The following JPH2 variants were observed in gnomAD, a reference collection of about 807,000 sequenced individuals.
JPH2 encodes junctophilin 2.
A neutral mutation model predicts 55.9 loss-of-function variants in JPH2; 38 were observed. The observed-to-expected ratio is 0.68, with a 90% CI of 0.52 to 0.89. JPH2 has a LOEUF of 0.89. JPH2 is among the 40% of genes least tolerant of loss of function. The probability of loss-of-function intolerance (pLI) is 0.00; values close to 1 mark genes in which losing one functional copy is unlikely to be tolerated. For synonymous variants in JPH2, 480 were observed against 472.4 expected (o/e 1.02, Z -0.21); for missense variants, 964 against 1,037.6 (o/e 0.93, Z 0.97).
intron 2 of JPH2, among the ~76,000 whole-genome samples, chr20:44,134,161 A>G (rs2072358909): frequency 6.6e-5 from 1 of 15,198 alleles, no homozygotes; most frequent in Admixed American, 1.6e-3. Flanking sequence ...TTATAAATAT[A>G]TAAATATTTA....
At position 44,115,785 on chromosome 20, in the gene JPH2, T is replaced by C. The variant is rs764093410; in HGVS notation, c.1890A>G (p.Lys630=). The C allele has an allele frequency of 5.6e-6, 9 of 1,610,278 alleles. No homozygotes were observed. In the Admixed American group the frequency reaches 1.5e-4, roughly 27 times the overall value. The change falls in exon 4 of 6, where the codon AAA becomes AAG. Residue 630 remains lysine (K), a synonymous_variant. Transcript: ENST00000372980. ...AKLEPKPIIP[K]AEPRAKARKT... The stretch of plus-strand genomic sequence containing the variant: ...TGCGGGCCTTGGCCCTGGGCTCGGC[T>C]TTGGGGATGATGGGCTTGGGCTCCA...
At chr20:44,178,133 T>C (rs959145795) in intron 1 of JPH2, among the ~76,000 whole-genome samples, 3 of 152,180 alleles carry the variant, frequency 2.0e-5, no homozygotes, top group Admixed American at 6.5e-5. Flanking sequence ...TCAGATTCTC[T>C]CAGGGCCTCT....
chr20:44,180,082 G>A (rs1441727462), intron 1 of JPH2, among the ~76,000 whole-genome samples: 1 of 152,218 alleles, frequency 6.6e-6, no homozygotes, highest in Non-Finnish European at 1.5e-5. Context: ...GCTGGGCATG[G>A]TGGCACATGC....
At position 44,114,807 on chromosome 20, in the gene JPH2, G is replaced by A. The variant is rs752222870; in HGVS notation, c.2080C>T (p.Leu694Phe). The change falls in exon 5 of 6, where the codon CTC becomes TTC. Residue 694 changes from leucine (L) to phenylalanine (F), a missense_variant. Physicochemically the swap from Leu to Phe is conservative, Grantham distance 22. Coordinates refer to ENST00000372980, the MANE Select transcript of JPH2 (RefSeq NM_020433.5). ...CTGGTAAGCGACGGTCAGGTCAGGA[G>A]GTGAACAAAGAGGATGGCCAGGCCG... The part of the protein sequence containing the change: ...NIGLAILFVH[L>F]LT The A allele has an allele frequency of 6.2e-7, 1 of 1,605,476 alleles. No individual in the cohort carries two copies. The highest frequency in any genetic ancestry group is 8.5e-7 in the Non-Finnish European group (1 of 1,176,724).
rs1569195722 is a variant in JPH2 at position 44,134,875 on chromosome 20, T to A, written c.1170-16252A>T. Among the ~76,000 whole-genome samples, 177 of 25,068 alleles carry A rather than the reference T, an allele frequency of 7.1e-3. 1 individual carries two copies. Among genetic ancestry groups the A allele is most frequent in the Non-Finnish European group, 0.011 (163 of 15,274 alleles). The allele number at this position is 25,068 out of a possible 152,430, so 16.4% of individuals were successfully genotyped here. ...ATAAATATATATATAAATATATATA[T>A]TTATATATATATTAATATATATTTA... is the stretch of plus-strand genomic sequence containing the variant. On this transcript the variant is annotated intron_variant, in intron 2 of 5. Coordinates refer to ENST00000372980, the MANE Select transcript of JPH2 (RefSeq NM_020433.5).
At chr20:44,180,668 G>T (rs1026948106) in intron 1 of JPH2, among the ~76,000 whole-genome samples, 1 of 152,154 alleles carries the variant, frequency 6.6e-6, no homozygotes, top group African/African-American at 2.4e-5. Flanking sequence ...ACATTTTGGG[G>T]TGGGATTAAT....
rs139091194 is a variant in JPH2 at position 44,158,184 on chromosome 20, T to C, written c.1169+1434A>G. Among the ~76,000 whole-genome samples, 1,195 of 152,340 alleles carry C rather than the reference T, an allele frequency of 7.8e-3. 15 individuals carry two copies. The highest frequency in any genetic ancestry group is 0.027 in the African/African-American group (1,123 of 41,576). On this transcript the variant is annotated intron_variant, in intron 2 of 5. Transcript: ENST00000372980. ...CGCGCTCTAAGGACAGAACGGCAGC[T>C]GCCGGTGGACCTCATCCGCTCTCTA... is the stretch of plus-strand genomic sequence containing the variant.
At chr20:44,126,210 G>T (rs1389576354) in intron 2 of JPH2, among the ~76,000 whole-genome samples, 2 of 145,144 alleles carry the variant, frequency 1.4e-5, no homozygotes, top group East Asian at 2.1e-4. Context: ...AAGGAAGAAG[G>T]GGGGGAGGGG....
intron 1 of JPH2, chr20:44,177,165 C>T: frequency 1.0e-6 from 1 of 985,630 alleles, no homozygotes; most frequent in Non-Finnish European, 1.2e-6. Context: ...TTCTCTCCTA[C>T]TCTGTGGCTT....
intron 1 of JPH2, among the ~76,000 whole-genome samples, chr20:44,181,174 A>G (rs1306748860): frequency 6.6e-6 from 1 of 152,142 alleles, no homozygotes; most frequent in Non-Finnish European, 1.5e-5. Context: ...AGCCTAGAGG[A>G]CAGGGAGGGG....
At chr20:44,177,600 T>C in intron 1 of JPH2, 1 of 1,171,478 alleles carries the variant, frequency 8.5e-7, no homozygotes, top group Non-Finnish European at 1.1e-6. Flanking sequence ...ACTGTCACGC[T>C]GATGCCTGGC....
At chr20:44,136,122 A>G (rs957501192) in intron 2 of JPH2, among the ~76,000 whole-genome samples, 1 of 152,220 alleles carries the variant, frequency 6.6e-6, no homozygotes, top group African/African-American at 2.4e-5. Flanking sequence ...GAGGTGCTTC[A>G]TGGAAGCCTT....
At chr20:44,139,033 G>T (rs2072437148) in intron 2 of JPH2, among the ~76,000 whole-genome samples, 1 of 152,222 alleles carries the variant, frequency 6.6e-6, no homozygotes, top group East Asian at 1.9e-4. Context: ...TCACTGGGCT[G>T]CCCTGGACTC....
intron 2 of JPH2, among the ~76,000 whole-genome samples, chr20:44,137,734 C>T (rs540802832): frequency 5.2e-4 from 79 of 152,310 alleles, no homozygotes; most frequent in Non-Finnish European, 8.5e-4. Context: ...GTTCCAACCC[C>T]GTTGCCTTAT....
chr20:44,184,728 C>G (rs4812793), intron 1 of JPH2, among the ~76,000 whole-genome samples: 65,385 of 151,978 alleles, frequency 0.43, 14,434 homozygotes, highest in Admixed American at 0.55. Context: ...CCACTGCTAC[C>G]CTCATGCTTC....
rs1177431696 is a variant in JPH2 at position 44,110,056 on chromosome 20, C to T, written c.*3462G>A. ...TGGTCAAGATTAGAAGAGGAGGCAT[C>T]GGCCTGGCTGTGTCCTACCCTTGAG... On this transcript the variant is annotated 3_prime_UTR_variant, in exon 6 of 6. Transcript: ENST00000372980. 6.6e-6 allele frequency among the ~76,000 whole-genome samples: 1 copy of T among 152,140 alleles called. No homozygotes were observed. Among genetic ancestry groups the T allele is most frequent in the African/African-American group, 2.4e-5 (1 of 41,426 alleles).
chr20:44,118,379 G>A, intron 3 of JPH2, 126 bp downstream of exon 3: 2 of 797,816 alleles, frequency 2.5e-6, no homozygotes, highest in Non-Finnish European at 4.4e-6. Context: ...TTTGCACCAT[G>A]CCCCAGTTTC....
chr20:44,142,159 C>T (rs1337548732), intron 2 of JPH2, among the ~76,000 whole-genome samples: 3 of 152,154 alleles, frequency 2.0e-5, no homozygotes, highest in Non-Finnish European at 2.9e-5. Flanking sequence ...TATGGGCAAG[C>T]GCATATGCCC....
intron 1 of JPH2, among the ~76,000 whole-genome samples, chr20:44,182,572 C>CT (rs1450004429): frequency 2.6e-5 from 4 of 152,198 alleles, no homozygotes; most frequent in Non-Finnish European, 1.5e-5. Flanking sequence ...TCTTGCTGTT[C>CT]TTCAAACCCG....
Sources: gnomAD v4.1 joint callset for allele counts (sites outside exome capture counted in the v4.1 genomes callset) on GRCh38, gnomAD v4.1.1 for gene constraint, MANE v1.5 for transcripts, NCBI Gene and HGNC (gene_info 2026-07-23, HGNC 2026-07-21) for gene names.